NLRC5: variants seen among roughly 807,000 people sequenced by gnomAD.
The protein encoded by NLRC5 is NLR family CARD domain containing 5.
A neutral mutation model predicts 206.9 loss-of-function variants in NLRC5; 114 were observed. The observed-to-expected ratio is 0.55, with a 90% CI of 0.47 to 0.64. The LOEUF is 0.64. NLRC5 is among the 30% of genes least tolerant of loss of function. The pLI, the probability that NLRC5 is intolerant of heterozygous loss-of-function variation, is 0.00. For synonymous variants in NLRC5, 952 were observed against 962.8 expected (o/e 0.99, Z 0.21); for missense variants, 2,008 against 2,305.5 (o/e 0.87, Z 2.64).
chr16:57,015,943 A>G lies in NLRC5; in HGVS notation c.-127-1131A>G, dbSNP rs866842660. ...TCCATCTCAAAAAAAAAAAAAAAAA[A>G]AAAAAGAAAGAAAAGAAAAGAAGCA... is the stretch of plus-strand genomic sequence containing the variant. On this transcript the variant is annotated intron_variant, in intron 1 of 48. Transcript: ENST00000688547. Among the ~76,000 whole-genome samples the G allele has an allele frequency of 5.3e-3, 779 of 146,736 alleles. 14 individuals are homozygous for G. The highest frequency in any genetic ancestry group is 0.018 in the African/African-American group (739 of 40,310).
At chr16:57,039,673 C>T in intron 15 of NLRC5, 108 bp from the exon 16 acceptor site, 1 of 949,032 alleles carries the variant, frequency 1.1e-6, no homozygotes, top group Admixed American at 1.9e-5. Flanking sequence ...GCCATGATTG[C>T]ACCACTGCAC....
At chr16:57,065,156 C>A in intron 32 of NLRC5, 56 bp from the exon 33 acceptor site, 2 of 1,260,922 alleles carry the variant, frequency 1.6e-6, no homozygotes, top group South Asian at 1.9e-5. Context: ...GTCATGTGTG[C>A]TGATTGTCTG....
At chr16:57,022,212 C>T in intron 3 of NLRC5, 44 bp from the exon 4 acceptor site, 1 of 1,556,500 alleles carries the variant, frequency 6.4e-7, no homozygotes, top group Non-Finnish European at 8.8e-7. Flanking sequence ...CCCCAGCATC[C>T]CTCGACAGCC....
At chr16:57,005,272 TA>T (rs2058763262) in intron 1 of NLRC5, among the ~76,000 whole-genome samples, 1 of 152,198 alleles carries the variant, frequency 6.6e-6, no homozygotes. Context: ...ATATGCAATA[TA>T]AAAACTACTA....
chr16:57,059,391 G>A, intron 29 of NLRC5, 76 bp from the exon 30 acceptor site: 1 of 1,547,176 alleles, frequency 6.5e-7, no homozygotes, highest in Non-Finnish European at 8.7e-7. Flanking sequence ...CCCTCTCTGT[G>A]CCCTGTGGGT....
chr16:57,042,149 T>C (rs745519192), intron 19 of NLRC5, 84 bp downstream of exon 19: 62 of 878,534 alleles, frequency 7.1e-5, no homozygotes, highest in Non-Finnish European at 9.5e-5. Context: ...CCTGGGGTTA[T>C]TGTAAAGATT....
intron 15 of NLRC5, 31 bp downstream of exon 15, chr16:57,037,315 C>A (rs74847599): frequency 7.4e-6 from 8 of 1,087,474 alleles, no homozygotes; most frequent in East Asian, 2.1e-4. Flanking sequence ...CGGTACCCAT[C>A]CCCCCCCCCA....
intron 1 of NLRC5, among the ~76,000 whole-genome samples, chr16:57,008,760 T>A (rs2059182359): frequency 6.6e-6 from 1 of 152,146 alleles, no homozygotes; most frequent in African/African-American, 2.4e-5. Context: ...AGCAATGGCT[T>A]AAGCAATAAA....
rs1328193618 is a variant in NLRC5, at chr16:57,022,294, C to A, written c.334C>A (p.Pro112Thr). ...SQLGAEGKSQ[P>T]ESQLHHGLKR... ...GCTGGGAGCTGAGGGGAAAAGCCAA[C>A]CTGAATCTCAGCTCCACCATGGTGA... is the stretch of plus-strand genomic sequence containing the variant. The change falls in exon 4 of 49, where the codon CCT (proline) becomes ACT (threonine). Residue 112 changes from proline (P) to threonine (T), a missense_variant. Pro to Thr is a conservative substitution (Grantham distance 38). Transcript: ENST00000688547. 1.2e-6 allele frequency: 2 copies of A among 1,611,972 alleles called. No homozygotes were observed. Among genetic ancestry groups the A allele is most frequent in the Middle Eastern group, 1.7e-4 (1 of 6,052 alleles).
chr16:57,036,449 G>T (rs1422727783), intron 14 of NLRC5, among the ~76,000 whole-genome samples: 5 of 152,134 alleles, frequency 3.3e-5, no homozygotes, highest in Admixed American at 6.5e-5. Context: ...CTTTGTAGCT[G>T]CCCTGGAGCA....
chr16:57,020,649 G>C (rs28542102), intron 2 of NLRC5, 52 bp from the exon 3 acceptor site: 74 of 1,302,118 alleles, frequency 5.7e-5, no homozygotes, highest in Non-Finnish European at 7.0e-5. Flanking sequence ...CAGCTCATCT[G>C]CCCCCAGTTT....
In NLRC5 at chr16:57,055,105, T is replaced by C. The variant is rs538276710; in HGVS notation, c.3659+11T>C. 1.2e-6 allele frequency: 2 copies of C among 1,614,004 alleles called. No individual in the cohort carries two copies. Among genetic ancestry groups the C allele is most frequent in the Non-Finnish European group, 1.7e-6 (2 of 1,179,958 alleles). ...AGGCGTGTGCTGTGGGTAAGCCCCCTTGAACCATGCCTAGGCAGCTAGTTG... is the reference window on the plus strand; with the variant it reads ...AGGCGTGTGCTGTGGGTAAGCCCCCCTGAACCATGCCTAGGCAGCTAGTTG... On this transcript the variant is annotated intron_variant, in intron 26 of 48. Transcript: ENST00000688547.
At chr16:57,027,358 G>A (rs150258676) in intron 6 of NLRC5, among the ~76,000 whole-genome samples, 5 of 152,294 alleles carry the variant, frequency 3.3e-5, no homozygotes, top group African/African-American at 4.8e-5. Context: ...TTCCTAAAAC[G>A]AATCTGTAAC....
At chr16:57,068,570 G>A (rs535761463) in intron 36 of NLRC5, among the ~76,000 whole-genome samples, 1 of 151,530 alleles carries the variant, frequency 6.6e-6, no homozygotes, top group South Asian at 2.1e-4. Flanking sequence ...TTAGAAGTAA[G>A]TTGTAATCAT....
At chr16:57,011,674 T>C (rs1396927483) in intron 1 of NLRC5, among the ~76,000 whole-genome samples, 3 of 150,880 alleles carry the variant, frequency 2.0e-5, no homozygotes, top group African/African-American at 7.3e-5. Flanking sequence ...TGAGCTATGA[T>C]TGCACCACTG....
intron 12 of NLRC5, 103 bp from the exon 13 acceptor site, chr16:57,034,065 C>T (rs1395766884): frequency 2.2e-6 from 2 of 892,678 alleles, no homozygotes; most frequent in Non-Finnish European, 3.6e-6. Flanking sequence ...AGGATTAGAC[C>T]CAGGTCTGTG....
intron 1 of NLRC5, among the ~76,000 whole-genome samples, chr16:56,993,788 T>C (rs1422516492): frequency 6.6e-6 from 1 of 152,220 alleles, no homozygotes; most frequent in Non-Finnish European, 1.5e-5. Flanking sequence ...TGTTGAGTTG[T>C]AAAAGCACTT....
chr16:57,028,521 G>C, intron 8 of NLRC5, 136 bp downstream of exon 8: 1 of 687,690 alleles, frequency 1.5e-6, no homozygotes, highest in Non-Finnish European at 2.5e-6. Flanking sequence ...GAAGGCATCA[G>C]TCCAAGTACT....
intron 13 of NLRC5, 185 bp downstream of exon 13, chr16:57,034,436 G>A: frequency 3.3e-6 from 2 of 599,022 alleles, no homozygotes; most frequent in Non-Finnish European, 6.0e-6. Context: ...TGCTGTGCTA[G>A]GGACTGTACA....
Sources: gnomAD v4.1 joint callset for allele counts (sites outside exome capture counted in the v4.1 genomes callset) on GRCh38, gnomAD v4.1.1 for gene constraint, MANE v1.5 for transcripts, NCBI Gene and HGNC (gene_info 2026-07-23, HGNC 2026-07-21) for gene names.